Variants in ZNF615 observed in about 807,000 individuals in gnomAD.
ZNF615 encodes zinc finger protein 615.
In ZNF615, 15 loss-of-function variants were observed where a neutral mutation model predicts 15.3. The observed-to-expected ratio is 0.98, with a 90% CI of 0.66 to 1.51. The LOEUF is 1.51. Among genes scored for constraint, ZNF615 ranks in the 40% most tolerant of loss-of-function variants. ZNF615 has a pLI of 0.00. For synonymous variants in ZNF615, 268 were observed against 294.6 expected (o/e 0.91, Z 0.92); for missense variants, 848 against 895.9 (o/e 0.95, Z 0.68).
At chr19:52,006,486 T>C (rs1280269706) in intron 2 of ZNF615, among the ~76,000 whole-genome samples, 1 of 152,224 alleles carries the variant, frequency 6.6e-6, no homozygotes, top group Non-Finnish European at 1.5e-5. Context: ...ACTTTTACTC[T>C]ACTTTATACC....
At position 52,000,355 on chromosome 19, in the gene ZNF615, C is replaced by T; in HGVS notation, c.262G>A (p.Ala88Thr). 1.6e-6 allele frequency: 1 copy of T among 631,644 alleles called. No homozygotes were observed. The highest frequency in any genetic ancestry group is 1.9e-5 in the South Asian group (1 of 53,370). The allele number at this position is 631,644 out of a possible 1,614,324, so 39.1% of individuals were successfully genotyped here. A position where few individuals can be genotyped will look rare whatever the true frequency, so the allele number is the denominator to read the frequency against. Reference protein sequence around the residue: ...CSDSGGASGGAYAEIRKIDDP... With the variant: ...CSDSGGASGGTYAEIRKIDDP... ...TATCCATGAGACAAACCTGCATATG[C>T]ACCTCCTGATGCACCTCCTGAATCT... The change falls in exon 6 of 7, where the codon GCA becomes ACA. Residue 88 changes from alanine to threonine, a missense_variant. Transcript: ENST00000598071.
At chr19:52,000,411 T>TA in intron 5 of ZNF615, 33 bp from the exon 6 acceptor site, 4 of 611,280 alleles carry the variant, frequency 6.5e-6, no homozygotes, top group Admixed American at 2.4e-5. Flanking sequence ...AAAATAAAAT[T>TA]AAAAAAATAA....
chr19:51,995,449 C>A (rs754886925), intron 6 of ZNF615, among the ~76,000 whole-genome samples: 6 of 152,118 alleles, frequency 3.9e-5, no homozygotes, highest in Non-Finnish European at 8.8e-5. Context: ...AAATATCAGA[C>A]CACACAGGTT....
Position 51,993,912 on chromosome 19 carries a change from G to T in ZNF615, c.1197C>A (p.Ile399=). Residue 399 remains isoleucine (I), a synonymous_variant, in exon 7 of 7, where the codon ATC becomes ATA. Coordinates refer to ENST00000598071, the MANE Select transcript of ZNF615 (RefSeq NM_001199324.2). ...CTCCTGTATGAGTTTGCTGATGTGT[G>T]ATAAGACTGTTCTTCAAGGTGAAGC... ...GKGFTLKNSL[I]THQQTHTGEK... The T allele has an allele frequency of 1.2e-6, 2 of 1,613,994 alleles. No individual in the cohort carries two copies. The highest frequency in any genetic ancestry group is 1.7e-6 in the Non-Finnish European group (2 of 1,179,996).
Position 52,001,892 on chromosome 19 carries a change from T to A in ZNF615, c.159A>T (p.Lys53Asn), listed in dbSNP as rs1234590829. The A allele has an allele frequency of 6.2e-7, 1 of 1,614,084 alleles. No homozygotes were observed. Among genetic ancestry groups the A allele is most frequent in the Non-Finnish European group, 8.5e-7 (1 of 1,180,036 alleles). Residue 53 changes from lysine to asparagine, a missense_variant, in exon 5 of 7, where the codon AAA becomes AAT. Physicochemically the swap from Lys to Asn is moderately conservative, Grantham distance 94. Transcript: ENST00000598071. ...NLVAVGYQAS[K>N]PDALSKLERG... ...GTTCCAATTTGGAGAGTGCATCTGG[T>A]TTGCTGGCTTGATACCCTGTTCATG...
intron 6 of ZNF615, among the ~76,000 whole-genome samples, chr19:51,997,856 CAT>C (rs1258759658): frequency 6.6e-6 from 1 of 152,318 alleles, no homozygotes; most frequent in Admixed American, 6.5e-5. Flanking sequence ...AATAACTTCA[CAT>C]GTGTTGACAA....
At position 51,994,665 on chromosome 19, in the gene ZNF615, T is replaced by A; in HGVS notation, c.444A>T (p.Leu148Phe). 6.2e-7 allele frequency: 1 copy of A among 1,613,258 alleles called. No homozygotes were observed. Among genetic ancestry groups the A allele is most frequent in the East Asian group, 2.2e-5 (1 of 44,872 alleles). Residue 148 changes from leucine to phenylalanine, a missense_variant, in exon 7 of 7, where the codon TTA (leucine) becomes TTT (phenylalanine). Physicochemically the swap from Leu to Phe is conservative, Grantham distance 22. Transcript: ENST00000598071. The stretch of plus-strand genomic sequence containing the variant: ...GGTTTTCAAAACTTAAATTTGATTT[T>A]AAAGGTTTTTCATGTAAGTCAAACG... ...CDTFDLHEKP[L>F]KSNLSFENQK...
chr19:52,001,858 C>T lies in ZNF615; in HGVS notation c.193G>A (p.Glu65Lys), dbSNP rs1244168496. The change falls in exon 5 of 7, where the codon GAA (glutamate) becomes AAA (lysine). Residue 65 changes from glutamate (E) to lysine (K), a missense_variant. Glu to Lys is a moderately conservative substitution (Grantham distance 56). Transcript: ENST00000598071. The part of the protein sequence containing the change: ...DALSKLERGE[E>K]TCTTEDEIYS... ...ATTTCATCTTCTGTTGTGCAAGTTT[C>T]TTCTCCTCGTTCCAATTTGGAGAGT... 5.0e-6 allele frequency: 8 copies of T among 1,614,158 alleles called. No homozygotes were observed. The highest frequency in any genetic ancestry group is 3.3e-4 in the Middle Eastern group (2 of 6,062).
intron 6 of ZNF615, among the ~76,000 whole-genome samples, chr19:51,997,745 G>A (rs80203804): frequency 0.031 from 4,742 of 152,256 alleles, 101 homozygotes; most frequent in Middle Eastern, 0.058. Flanking sequence ...GATTTATGGT[G>A]GACACCTGGT....
rs1303403663 is a variant in ZNF615 at position 51,993,666 on chromosome 19, G to A, written c.1443C>T (p.Asp481=). The part of the protein sequence containing the change: ...ECRKGFTMKS[D]LIVHQRTHTA... ...TATGAGTTCGCTGATGTACAATGAG[G>A]TCACTCTTCATGGTGAAACCTTTTC... Residue 481 remains aspartate (D), a synonymous_variant, in exon 7 of 7, where the codon GAC becomes GAT. Transcript: ENST00000598071. The A allele has an allele frequency of 1.9e-6, 3 of 1,613,280 alleles. No homozygotes were observed. The South Asian group carries it at 3.3e-5, about 18-fold the overall frequency.
chr19:51,997,049 G>A (rs953636789), intron 6 of ZNF615, among the ~76,000 whole-genome samples: 13 of 151,872 alleles, frequency 8.6e-5, no homozygotes, highest in Middle Eastern at 6.8e-3. Context: ...CTGGTGTGGT[G>A]GTTCATGTCT....
At position 52,003,836 on chromosome 19, in the gene ZNF615, A is replaced by T. The variant is rs1487170145; in HGVS notation, c.-125T>A. 7.2e-6 allele frequency: 11 copies of T among 1,526,832 alleles called. No individual in the cohort carries two copies. Among genetic ancestry groups the T allele is most frequent in the Non-Finnish European group, 9.6e-6 (11 of 1,140,822 alleles). The allele number at this position is 1,526,832 out of a possible 1,614,324, so 94.6% of individuals were successfully genotyped here. A position where few individuals can be genotyped will look rare whatever the true frequency, so the allele number is the denominator to read the frequency against. On this transcript the variant is annotated 5_prime_UTR_variant, in exon 3 of 7. Coordinates refer to ENST00000598071, the MANE Select transcript of ZNF615 (RefSeq NM_001199324.2). ...CAAGGATGTCCCCAGAAATGATGAC[A>T]CCCAAGTCTTGGAAACTCCGCCTCC...
chr19:52,002,395 T>C lies in ZNF615; in HGVS notation c.16-114A>G. 3.1e-6 allele frequency: 4 copies of C among 1,306,118 alleles called. No individual in the cohort carries two copies. The South Asian group carries it at 3.7e-5, about 12-fold the overall frequency. The allele number at this position is 1,306,118 out of a possible 1,614,324, so 80.9% of individuals were successfully genotyped here. A position where few individuals can be genotyped will look rare whatever the true frequency, so the allele number is the denominator to read the frequency against. The stretch of plus-strand genomic sequence containing the variant: ...ACATAGGAAGCTGGTGGGGTTTTTT[T>C]CTTAGTACATTTTGACAGAATAAGA... On this transcript the variant is annotated intron_variant, in intron 3 of 6. Coordinates refer to ENST00000598071, the MANE Select transcript of ZNF615 (RefSeq NM_001199324.2).
chr19:52,002,844 T>G (rs2086642879), intron 3 of ZNF615, among the ~76,000 whole-genome samples: 1 of 151,888 alleles, frequency 6.6e-6, no homozygotes, highest in African/African-American at 2.4e-5. Flanking sequence ...TTTTTTTTTT[T>G]GAGATGGAGT....
At chr19:52,007,596 C>T (rs1374124084) in intron 1 of ZNF615, among the ~76,000 whole-genome samples, 3 of 152,184 alleles carry the variant, frequency 2.0e-5, no homozygotes, top group Non-Finnish European at 4.4e-5. Flanking sequence ...GCTAACCCAT[C>T]ACCTGCCATG....
At chr19:52,001,714 G>T in intron 5 of ZNF615, 99 bp downstream of exon 5, 2 of 896,030 alleles carry the variant, frequency 2.2e-6, no homozygotes, top group African/African-American at 1.6e-5. Flanking sequence ...TGGAGGGGCT[G>T]TTGCTGTGTC....
chr19:52,005,296 G>A (rs1427843270), intron 2 of ZNF615, among the ~76,000 whole-genome samples: 1 of 152,040 alleles, frequency 6.6e-6, no homozygotes, highest in Non-Finnish European at 1.5e-5. Context: ...TAAAGTAGGA[G>A]GATGGCAAAT....
At chr19:51,999,605 G>A (rs2086534020) in intron 6 of ZNF615, among the ~76,000 whole-genome samples, 1 of 152,148 alleles carries the variant, frequency 6.6e-6, no homozygotes, top group Admixed American at 6.5e-5. Context: ...GTGAAATCAT[G>A]TGATATGTGC....
At position 51,994,234 on chromosome 19, in the gene ZNF615, G is replaced by C. The variant is rs1245463045; in HGVS notation, c.875C>G (p.Thr292Ser). The C allele has an allele frequency of 3.7e-6, 6 of 1,614,070 alleles. No individual in the cohort carries two copies. The highest frequency in any genetic ancestry group is 5.1e-6 in the Non-Finnish European group (6 of 1,180,024). Residue 292 changes from threonine (T) to serine (S), a missense_variant, in exon 7 of 7, where the codon ACT becomes AGT. Physicochemically the swap from Thr to Ser is moderately conservative, Grantham distance 58 (BLOSUM62 1). Transcript: ENST00000598071. ...TGTGTAAGGTTTCCCTCCCATATGA[G>C]TTTTCTGATGTATATTGAGCTGTGA... ...KKSQLNIHQK[T>S]HMGGKPYTCS...
Sources: gnomAD v4.1 joint callset for allele counts (sites outside exome capture counted in the v4.1 genomes callset) on GRCh38, gnomAD v4.1.1 for gene constraint, MANE v1.5 for transcripts, NCBI Gene and HGNC (gene_info 2026-07-23, HGNC 2026-07-21) for gene names.